The following PHACTR2 variants were observed in gnomAD, a reference collection of about 807,000 sequenced individuals.
PHACTR2 encodes phosphatase and actin regulator 2.
A neutral mutation model predicts 76.0 loss-of-function variants in PHACTR2; 30 were observed. That is an observed-to-expected ratio of 0.39 (90% CI 0.30 to 0.54). The LOEUF (loss-of-function observed/expected upper bound fraction) is 0.54. Ranked by LOEUF, PHACTR2 falls within the 20% of genes least tolerant of loss-of-function variation. PHACTR2 has a pLI of 0.61. For synonymous variants in PHACTR2, 292 were observed against 292.5 expected (o/e 1.00, Z 0.02); for missense variants, 696 against 781.1 (o/e 0.89, Z 1.30).
Position 143,592,781 on chromosome 6 carries a change from C to G in PHACTR2, c.217+55574C>G, listed in dbSNP as rs1050140443. On this transcript the variant is annotated intron_variant, in intron 1 of 11. Transcript: ENST00000367584. This position sits in a 1 kb window ranked among gnomAD's most constrained non-coding sequence, Gnocchi z 4.0. ...CCCAACCTTGGGCTGGGCACGGTGG[C>G]TCAAGCCTGTAATCCCAGCACTTTG... Among the ~76,000 whole-genome samples the G allele has an allele frequency of 1.3e-5, 2 of 152,056 alleles. No homozygotes were observed. The highest frequency in any genetic ancestry group is 4.8e-5 in the African/African-American group (2 of 41,398).
chr6:143,635,217 A>T (rs560376847), intron 1 of PHACTR2, among the ~76,000 whole-genome samples: 2 of 152,334 alleles, frequency 1.3e-5, no homozygotes, highest in South Asian at 4.1e-4. Flanking sequence ...TCCATTGGAT[A>T]TCTATCCATA....
chr6:143,784,044 A>AG lies in PHACTR2; in HGVS notation c.1707+764_1707+765insG, dbSNP rs1775495095. ...CGCTTGATTAGAACAATGAAAAAAA[A>AG]AAAGAAAAAAAGAAGTGAAAAAAGT... On this transcript the variant is annotated intron_variant, in intron 10 of 12. Transcript: ENST00000440869. The surrounding 1 kb of genome is among the most constrained non-coding windows in gnomAD (Gnocchi z 4.5). Among the ~76,000 whole-genome samples the AG allele has an allele frequency of 6.6e-6, 1 of 151,904 alleles. No homozygotes were observed. The highest frequency in any genetic ancestry group is 2.4e-5 in the African/African-American group (1 of 41,360).
intron 1 of PHACTR2, among the ~76,000 whole-genome samples, chr6:143,706,388 A>G (rs1778054358): frequency 6.6e-6 from 1 of 152,226 alleles, no homozygotes; most frequent in Non-Finnish European, 1.5e-5. Context: ...AAGCAAACCC[A>G]TGCATATATA....
rs1775460525 is a variant in PHACTR2, at chr6:143,782,781, TTTGCTCTTTTAATA to T, written c.1646-436_1646-423del. On this transcript the variant is annotated intron_variant, in intron 9 of 12. Coordinates refer to ENST00000440869, the MANE Select transcript of PHACTR2 (RefSeq NM_001100164.2). This position sits in a 1 kb window ranked among gnomAD's most constrained non-coding sequence, Gnocchi z 4.6. ...TCAGACATGCATCGGATGGTTCTAA[TTTGCTCTTTTAATA>T]TGTCTCAGATTTTCACACGAAGGCC... Among the ~76,000 whole-genome samples the T allele has an allele frequency of 6.6e-6, 1 of 152,162 alleles. No homozygotes were observed. The highest frequency in any genetic ancestry group is 1.5e-5 in the Non-Finnish European group (1 of 68,026).
rs1336312739 is a variant in PHACTR2, at chr6:143,570,465, G to A, written c.217+33258G>A. Among the ~76,000 whole-genome samples the A allele has an allele frequency of 1.3e-5, 2 of 152,146 alleles. No homozygotes were observed. Among genetic ancestry groups the A allele is most frequent in the Non-Finnish European group, 2.9e-5 (2 of 68,018 alleles). ...CATGGAAGTAAATATTATTGTTTTT[G>A]GGGGGTGACATCGACTGCATTTCAA... On this transcript the variant is annotated intron_variant, in intron 1 of 11. Transcript: ENST00000367584. This position sits in a 1 kb window ranked among gnomAD's most constrained non-coding sequence, Gnocchi z 4.6.
rs534106831 is a variant in PHACTR2 at position 143,794,014 on chromosome 6, A to C, written c.1845+5104A>C. On this transcript the variant is annotated intron_variant, in intron 11 of 12. Transcript: ENST00000440869. This position sits in a 1 kb window ranked among gnomAD's most constrained non-coding sequence, Gnocchi z 4.1. Reference sequence around the variant, plus strand: ...ATGTGTAGTATATTGTATATACACAAGTGATGAATATTCATTGGGCCATAT... The same window carrying C: ...ATGTGTAGTATATTGTATATACACACGTGATGAATATTCATTGGGCCATAT... 3.8e-4 allele frequency among the ~76,000 whole-genome samples: 58 copies of C among 152,260 alleles called. No individual in the cohort carries two copies. Among genetic ancestry groups the C allele is most frequent in the African/African-American group, 1.4e-3 (57 of 41,566 alleles).
At position 143,556,040 on chromosome 6, in the gene PHACTR2, C is replaced by T. The variant is rs1352304183; in HGVS notation, c.217+18833C>T. On this transcript the variant is annotated intron_variant, in intron 1 of 11. Coordinates refer to the PHACTR2 transcript ENST00000367584. The surrounding 1 kb of genome is among the most constrained non-coding windows in gnomAD (Gnocchi z 4.3). Reference sequence around the variant, plus strand: ...AAAACAAAAAGAAAAGAGACCAAACCTTTTACTCTTAGTAATTAATCTATT... The same window carrying T: ...AAAACAAAAAGAAAAGAGACCAAACTTTTTACTCTTAGTAATTAATCTATT... Among the ~76,000 whole-genome samples, 1 of 151,578 alleles carries T rather than the reference C, an allele frequency of 6.6e-6. No homozygotes were observed. The highest frequency in any genetic ancestry group is 1.5e-5 in the Non-Finnish European group (1 of 67,986).
At position 143,754,490 on chromosome 6, in the gene PHACTR2, A is replaced by G. The variant is rs969911209; in HGVS notation, c.454+578A>G. Among the ~76,000 whole-genome samples, 2 of 152,218 alleles carry G rather than the reference A, an allele frequency of 1.3e-5. No individual in the cohort carries two copies. The highest frequency in any genetic ancestry group is 2.4e-5 in the African/African-American group (1 of 41,462). On this transcript the variant is annotated intron_variant, in intron 4 of 12. Transcript: ENST00000440869. The surrounding 1 kb of genome is among the most constrained non-coding windows in gnomAD (Gnocchi z 6.2). ...GGCTGATTCCCACAGCCTCTGTGCAATTGGAAACTTCAAAATGTGCCAGAG... is the reference window on the plus strand; with the variant it reads ...GGCTGATTCCCACAGCCTCTGTGCAGTTGGAAACTTCAAAATGTGCCAGAG...
rs765059089 is a variant in PHACTR2 at position 143,556,938 on chromosome 6, C to A, written c.217+19731C>A. Among the ~76,000 whole-genome samples, 3 of 152,182 alleles carry A rather than the reference C, an allele frequency of 2.0e-5. No homozygotes were observed. The highest frequency in any genetic ancestry group is 2.9e-5 in the Non-Finnish European group (2 of 68,030). ...GATATGCTGCCTGTCTGTCCTCCTC[C>A]CTCAGAGAGACCACATTTCCTTTTG... is the stretch of plus-strand genomic sequence containing the variant. On this transcript the variant is annotated intron_variant, in intron 1 of 11. Coordinates refer to the PHACTR2 transcript ENST00000367584. The surrounding 1 kb of genome is among the most constrained non-coding windows in gnomAD (Gnocchi z 4.3).
Position 143,801,331 on chromosome 6 carries a change from C to T in PHACTR2, c.1846-5726C>T, listed in dbSNP as rs1233635417. 6.6e-6 allele frequency among the ~76,000 whole-genome samples: 1 copy of T among 152,204 alleles called. No homozygotes were observed. The highest frequency in any genetic ancestry group is 2.4e-5 in the African/African-American group (1 of 41,446). ...CTATTCTCCCCATCACTTTCAGGTA[C>T]ACCAATCAAACGTAGATTTGGTCTT... On this transcript the variant is annotated intron_variant, in intron 11 of 12. Transcript: ENST00000440869. This position sits in a 1 kb window ranked among gnomAD's most constrained non-coding sequence, Gnocchi z 4.6.
Position 143,608,211 on chromosome 6 carries a change from G to A in PHACTR2, c.-99G>A. 1.6e-6 allele frequency: 2 copies of A among 1,232,370 alleles called. No homozygotes were observed. The highest frequency in any genetic ancestry group is 1.2e-5 in the South Asian group (1 of 81,658). The allele number at this position is 1,232,370 out of a possible 1,614,324, so 76.3% of individuals were successfully genotyped here. On this transcript the variant is annotated 5_prime_UTR_variant, in exon 1 of 12. Coordinates refer to the PHACTR2 transcript ENST00000305766. The surrounding 1 kb of genome is among the most constrained non-coding windows in gnomAD (Gnocchi z 4.6). ...TGAAGTATGCTCAGTGTGCCAGCAA[G>A]GGCTGATAATCAGCAGAAGGACAGG...
rs1350353087 is a variant in PHACTR2 at position 143,549,612 on chromosome 6, A to G, written c.217+12405A>G. Among the ~76,000 whole-genome samples, 1 of 151,880 alleles carries G rather than the reference A, an allele frequency of 6.6e-6. No individual in the cohort carries two copies. The highest frequency in any genetic ancestry group is 2.4e-5 in the African/African-American group (1 of 41,368). Reference sequence around the variant, plus strand: ...TATGGAGGGAGAAAGGTGTTTTGAAATTTCTGGTGCTGAAAAACCTGCCTT... The same window carrying G: ...TATGGAGGGAGAAAGGTGTTTTGAAGTTTCTGGTGCTGAAAAACCTGCCTT... On this transcript the variant is annotated intron_variant, in intron 1 of 11. Coordinates refer to the PHACTR2 transcript ENST00000367584. This position sits in a 1 kb window ranked among gnomAD's most constrained non-coding sequence, Gnocchi z 4.2.
chr6:143,638,552 A>T (rs979627249), intron 1 of PHACTR2, among the ~76,000 whole-genome samples: 3 of 136,870 alleles, frequency 2.2e-5, no homozygotes, highest in Non-Finnish European at 3.2e-5. Context: ...TCAAAAAAAA[A>T]AAAAAGTATT....
Position 143,824,045 on chromosome 6 carries a change from A to G in PHACTR2, c.*356A>G, listed in dbSNP as rs376604976. ...TATAATGCGGGTGAAAGAAAAATAT[A>G]GATTAAAATTGCTGGGCACTGAAAA... On this transcript the variant is annotated 3_prime_UTR_variant, in exon 13 of 13. Transcript: ENST00000440869. This position sits in a 1 kb window ranked among gnomAD's most constrained non-coding sequence, Gnocchi z 6.3. The G allele has an allele frequency of 3.1e-5, 6 of 191,050 alleles. No homozygotes were observed. In the East Asian group the frequency reaches 5.0e-4, roughly 16 times the overall value. The allele number at this position is 191,050 out of a possible 1,614,324, so 11.8% of individuals were successfully genotyped here.
chr6:143,601,249 C>A (rs1254889851), intron 1 of PHACTR2, among the ~76,000 whole-genome samples: 2 of 152,112 alleles, frequency 1.3e-5, no homozygotes, highest in African/African-American at 4.8e-5. Flanking sequence ...GGAAGAAAGC[C>A]CAGAATCTTC....
In PHACTR2 at chr6:143,821,187, A is replaced by G. The variant is rs1420398208; in HGVS notation, c.1923-2487A>G. On this transcript the variant is annotated intron_variant, in intron 12 of 12. Transcript: ENST00000440869. The surrounding 1 kb of genome is among the most constrained non-coding windows in gnomAD (Gnocchi z 5.2). ...CTCACATCTGCCCAAGGTTACAGTC[A>G]GGGATAGACTAAGAACAGAACTCAA... 8.5e-5 allele frequency among the ~76,000 whole-genome samples: 13 copies of G among 152,274 alleles called. No individual in the cohort carries two copies. Among genetic ancestry groups the G allele is most frequent in the African/African-American group, 3.1e-4 (13 of 41,478 alleles).
In PHACTR2 at chr6:143,722,130, CT is replaced by C. The variant is rs1778456328; in HGVS notation, c.214+9951del. On this transcript the variant is annotated intron_variant, in intron 2 of 12. Coordinates refer to ENST00000440869, the MANE Select transcript of PHACTR2 (RefSeq NM_001100164.2). This position sits in a 1 kb window ranked among gnomAD's most constrained non-coding sequence, Gnocchi z 4.1. ...AAGTTCCCATGAAAACTCTCTATCA[CT>C]TTTCTGCTTATTTAATGTTCTCTTT... 1.3e-5 allele frequency among the ~76,000 whole-genome samples: 2 copies of C among 152,206 alleles called. No individual in the cohort carries two copies. Among genetic ancestry groups the C allele is most frequent in the Admixed American group, 6.5e-5 (1 of 15,278 alleles).
At chr6:143,686,591 G>A (rs529785815) in intron 1 of PHACTR2, among the ~76,000 whole-genome samples, 3 of 146,084 alleles carry the variant, frequency 2.1e-5, no homozygotes, top group African/African-American at 7.5e-5. Flanking sequence ...GGTTTCAAGT[G>A]ATTCTCCTGC....
chr6:143,752,996 ATC>A (rs1406004480), intron 3 of PHACTR2, among the ~76,000 whole-genome samples: 2 of 151,896 alleles, frequency 1.3e-5, no homozygotes, highest in East Asian at 3.9e-4. Context: ...TATGATTTAG[ATC>A]TCTCAACATT....
Sources: allele counts gnomAD v4.1 joint callset (sites outside exome capture counted in the v4.1 genomes callset), GRCh38; gene constraint gnomAD v4.1.1; non-coding constraint Gnocchi (gnomAD v3.1); transcripts MANE v1.5; gene names NCBI Gene and HGNC (gene_info 2026-07-23, HGNC 2026-07-21).